Variants in GRIN2A observed in about 807,000 individuals in gnomAD.
GRIN2A encodes the protein glutamate ionotropic receptor NMDA type subunit 2A.
GRIN2A carries 22 observed loss-of-function variants against 113.4 expected under a neutral mutation model. The observed-to-expected ratio is 0.19, with a 90% CI of 0.14 to 0.28. The LOEUF (loss-of-function observed/expected upper bound fraction) is 0.28, where lower values mean the gene tolerates loss of function less well. GRIN2A is among the 10% of genes least tolerant of loss of function. The probability of loss-of-function intolerance (pLI) is 1.00; values close to 1 mark genes in which losing one functional copy is unlikely to be tolerated. For missense variants in GRIN2A, 1,502 were observed against 1,887.0 expected, an observed-to-expected ratio of 0.80 and a Z score of 3.78; for synonymous variants, 827 against 738.4, an observed-to-expected ratio of 1.12 and a Z score of -1.94.
intron 2 of GRIN2A, among the ~76,000 whole-genome samples, chr16:10,066,566 C>G (rs1443211048): frequency 6.6e-6 from 1 of 152,190 alleles, no homozygotes; most frequent in Non-Finnish European, 1.5e-5. Flanking sequence ...ACCTCACTCA[C>G]AATCACTTAT....
chr16:9,870,628 C>CTT (rs951273100), intron 4 of GRIN2A, among the ~76,000 whole-genome samples: 6 of 138,184 alleles, frequency 4.3e-5, no homozygotes, highest in African/African-American at 5.4e-5. Flanking sequence ...AACTTTTTTT[C>CTT]TTTTTTTTTT....
intron 10 of GRIN2A, among the ~76,000 whole-genome samples, chr16:9,808,534 G>C (rs1220336192): frequency 6.6e-6 from 1 of 152,120 alleles, no homozygotes; most frequent in Non-Finnish European, 1.5e-5. Flanking sequence ...ATAGAATGCA[G>C]GGTACTTTCC....
intron 2 of GRIN2A, among the ~76,000 whole-genome samples, chr16:9,997,139 TAAAACTC>T (rs2046237700): frequency 6.6e-6 from 1 of 152,220 alleles, no homozygotes; most frequent in Non-Finnish European, 1.5e-5. Flanking sequence ...ATTGCTGAGT[TAAAACTC>T]AAAACAGGAG....
rs142126890 is a variant in GRIN2A at position 9,788,831 on chromosome 16, C to T, written c.2356+9446G>A. 9.6e-3 allele frequency among the ~76,000 whole-genome samples: 1,458 copies of T among 151,566 alleles called. 31 individuals are homozygous for T. Among genetic ancestry groups the T allele is most frequent in the African/African-American group, 0.034 (1,396 of 41,260 alleles). ...GAACTCGACTCACTGCAAACTCCGCCTCCTGGGTTCAAGTAATTCTCCTGC... is the reference window on the plus strand; with the variant it reads ...GAACTCGACTCACTGCAAACTCCGCTTCCTGGGTTCAAGTAATTCTCCTGC... On this transcript the variant is annotated intron_variant, in intron 11 of 12. Coordinates refer to ENST00000330684, the MANE Select transcript of GRIN2A (RefSeq NM_001134407.3).
chr16:9,854,649 A>G (rs373554914), intron 4 of GRIN2A, among the ~76,000 whole-genome samples: 4 of 152,084 alleles, frequency 2.6e-5, no homozygotes, highest in African/African-American at 9.6e-5. Context: ...TCTAAACTGG[A>G]CCTTTTTCCT....
chr16:10,107,316 T>A (rs1174980801), intron 2 of GRIN2A, among the ~76,000 whole-genome samples: 1 of 152,084 alleles, frequency 6.6e-6, no homozygotes, highest in African/African-American at 2.4e-5. Context: ...TGGATCTGTC[T>A]CCCCCAAAGG....
At chr16:9,901,169 C>G (rs2043914111) in intron 3 of GRIN2A, among the ~76,000 whole-genome samples, 1 of 152,158 alleles carries the variant, frequency 6.6e-6, no homozygotes, top group Admixed American at 6.5e-5. Flanking sequence ...TAGAATACTA[C>G]CTGGTATAAA....
intron 3 of GRIN2A, among the ~76,000 whole-genome samples, chr16:9,934,976 G>T (rs1225465768): frequency 6.6e-6 from 1 of 151,952 alleles, no homozygotes; most frequent in Non-Finnish European, 1.5e-5. Flanking sequence ...CTTCTCTGGG[G>T]CTGAAATACC....
chr16:10,178,017 C>A (rs573788170), intron 2 of GRIN2A, among the ~76,000 whole-genome samples: 27 of 152,354 alleles, frequency 1.8e-4, no homozygotes, highest in African/African-American at 6.0e-4. Context: ...TCCCAGATTT[C>A]TCCATTGGGT....
chr16:10,011,565 C>T (rs1487270311), intron 2 of GRIN2A, among the ~76,000 whole-genome samples: 2 of 152,210 alleles, frequency 1.3e-5, no homozygotes. Context: ...TCACTGACTG[C>T]TGTGTGCTGA....
At chr16:10,140,665 A>G (rs149460316) in intron 2 of GRIN2A, among the ~76,000 whole-genome samples, 1,525 of 152,306 alleles carry the variant, frequency 0.01, 13 homozygotes, top group Middle Eastern at 0.034. Context: ...GCACATGACC[A>G]GCCTGGTCAG....
At chr16:9,829,043 AC>A (rs368476340) in intron 9 of GRIN2A, among the ~76,000 whole-genome samples, 26 of 152,176 alleles carry the variant, frequency 1.7e-4, no homozygotes, top group African/African-American at 5.8e-4. Context: ...GTGCTCCTTC[AC>A]CCCAATTTCT....
At chr16:10,073,188 T>C (rs2047794940) in intron 2 of GRIN2A, among the ~76,000 whole-genome samples, 1 of 152,054 alleles carries the variant, frequency 6.6e-6, no homozygotes, top group Non-Finnish European at 1.5e-5. Flanking sequence ...ACTCCTGACC[T>C]CAAATGATTC....
chr16:10,181,093 T>A (rs1320049992), intron 1 of GRIN2A, among the ~76,000 whole-genome samples: 1 of 150,536 alleles, frequency 6.6e-6, no homozygotes, highest in Non-Finnish European at 1.5e-5. Flanking sequence ...CGCTGCCTGG[T>A]GGGCCCAGGC....
intron 2 of GRIN2A, among the ~76,000 whole-genome samples, chr16:9,959,089 AC>A (rs1005389566): frequency 2.6e-5 from 4 of 152,104 alleles, no homozygotes; most frequent in Admixed American, 6.6e-5. Context: ...GAGCCATGCT[AC>A]CCCAGAATAC....
chr16:10,143,154 G>T (rs1349174630), intron 2 of GRIN2A, among the ~76,000 whole-genome samples: 2 of 152,108 alleles, frequency 1.3e-5, no homozygotes, highest in Non-Finnish European at 2.9e-5. Flanking sequence ...TATGCATGTC[G>T]CTGGTGTTTG....
intron 11 of GRIN2A, among the ~76,000 whole-genome samples, chr16:9,791,980 G>T (rs929113889): frequency 3.3e-5 from 5 of 151,966 alleles, no homozygotes; most frequent in Admixed American, 3.3e-4. Context: ...CAGGGTTTGT[G>T]GTCCTCTCCA....
chr16:10,130,725 C>T (rs893656987), intron 2 of GRIN2A, among the ~76,000 whole-genome samples: 3 of 152,198 alleles, frequency 2.0e-5, no homozygotes, highest in South Asian at 2.1e-4. Context: ...CTCTCCTTCT[C>T]GCTTCTCCTG....
intron 5 of GRIN2A, 55 bp from the exon 6 acceptor site, chr16:9,841,159 A>G (rs2042671412): frequency 7.1e-7 from 1 of 1,405,652 alleles, no homozygotes; most frequent in African/African-American, 1.4e-5. Flanking sequence ...GTTTGTTCAC[A>G]ATCATTAGCT....
Sources: gnomAD v4.1 joint callset for allele counts (sites outside exome capture counted in the v4.1 genomes callset) on GRCh38, gnomAD v4.1.1 for gene constraint, MANE v1.5 for transcripts, NCBI Gene and HGNC (gene_info 2026-07-23, HGNC 2026-07-21) for gene names.